RBMS3: variants seen among roughly 807,000 people sequenced by gnomAD.
The protein encoded by RBMS3 is RNA binding motif single stranded interacting protein 3, also known as RNA-binding motif, single-stranded-interacting protein 3.
RBMS3 carries 27 observed loss-of-function variants against 66.8 expected under a neutral mutation model. The ratio of observed to expected loss-of-function variants is 0.40; its 90% CI spans 0.30 to 0.56. The LOEUF (loss-of-function observed/expected upper bound fraction) is 0.56. Ranked by LOEUF, RBMS3 falls within the 20% of genes least tolerant of loss-of-function variation. The pLI is 0.40. For missense variants in RBMS3, 513 were observed against 549.5 expected (o/e 0.93, Z 0.66); for synonymous variants, 188 against 183.0 (o/e 1.03, Z -0.22).
intron 4 of RBMS3, among the ~76,000 whole-genome samples, chr3:29,704,063 G>A (rs943089642): frequency 5.2e-4 from 79 of 152,196 alleles, no homozygotes; most frequent in Non-Finnish European, 1.0e-4. Context: ...CCCCAGATTG[G>A]ACTGTCTAGT....
chr3:29,899,244 A>G (rs1485335498), intron 9 of RBMS3, among the ~76,000 whole-genome samples: 1 of 151,728 alleles, frequency 6.6e-6, no homozygotes, highest in African/African-American at 2.4e-5. Context: ...TTTAGCTCTT[A>G]CCACAACTTT....
At position 29,988,139 on chromosome 3, in the gene RBMS3, C is replaced by G. The variant is rs960231337; in HGVS notation, c.1099-4C>G. 1 of 1,608,018 alleles carries G rather than the reference C, an allele frequency of 6.2e-7. No homozygotes were observed. ...CACATGCATTTTTCTTTGATTCTCT[C>G]TAGTATATGACTGCTGCTGCTCCTA... is the stretch of plus-strand genomic sequence containing the variant. On this transcript the variant is annotated splice_polypyrimidine_tract_variant and splice_region_variant and intron_variant, in intron 12 of 14. Coordinates refer to ENST00000383767, the MANE Select transcript of RBMS3 (RefSeq NM_001003793.3).
At chr3:29,897,258 A>T in intron 8 of RBMS3, 121 bp from the exon 9 acceptor site, 2 of 788,514 alleles carry the variant, frequency 2.5e-6, no homozygotes, top group Non-Finnish European at 4.4e-6. Context: ...GTTCTTGTTA[A>T]TGGTTGGTGG....
chr3:29,429,278 T>C (rs2041088495), intron 1 of RBMS3, among the ~76,000 whole-genome samples: 1 of 152,174 alleles, frequency 6.6e-6, no homozygotes, highest in Non-Finnish European at 1.5e-5. Flanking sequence ...AAACGGATGC[T>C]ACCTATAATT....
intron 3 of RBMS3, among the ~76,000 whole-genome samples, chr3:29,553,806 A>AC (rs2046256845): frequency 9.9e-6 from 1 of 101,446 alleles, no homozygotes; most frequent in Non-Finnish European, 2.0e-5. Flanking sequence ...TAACTGGCTA[A>AC]TTAAAAAAAA....
At chr3:29,994,223 G>A (rs1699067928) in intron 14 of RBMS3, among the ~76,000 whole-genome samples, 1 of 152,066 alleles carries the variant, frequency 6.6e-6, no homozygotes, top group African/African-American at 2.4e-5. Context: ...TTTTCCCACG[G>A]GCTTAAAAAA....
chr3:29,608,289 C>T lies in RBMS3; in HGVS notation c.399+21084C>T, dbSNP rs373629447. On this transcript the variant is annotated intron_variant, in intron 4 of 14. Coordinates refer to ENST00000383767, the MANE Select transcript of RBMS3 (RefSeq NM_001003793.3). Reference sequence around the variant, plus strand: ...CTTTTGTGGAAGTATCGTAATAAGACGGAATATTCTGAGTTAAAATCAAAC... The same window carrying T: ...CTTTTGTGGAAGTATCGTAATAAGATGGAATATTCTGAGTTAAAATCAAAC... Among the ~76,000 whole-genome samples the T allele has an allele frequency of 5.3e-5, 8 of 151,782 alleles. No homozygotes were observed. The East Asian group carries it at 7.8e-4, about 15-fold the overall frequency.
At chr3:29,925,880 A>G (rs1361088742) in intron 10 of RBMS3, among the ~76,000 whole-genome samples, 1 of 152,208 alleles carries the variant, frequency 6.6e-6, no homozygotes, top group East Asian at 1.9e-4. Flanking sequence ...TGTTAAAATT[A>G]ATCATATAGT....
intron 4 of RBMS3, among the ~76,000 whole-genome samples, chr3:29,591,844 T>TA (rs2047749650): frequency 6.6e-6 from 1 of 152,140 alleles, no homozygotes. Flanking sequence ...GGCCTTCAGA[T>TA]AAGACTTCAT....
At chr3:29,821,224 A>G (rs2058069876) in intron 6 of RBMS3, among the ~76,000 whole-genome samples, 1 of 151,990 alleles carries the variant, frequency 6.6e-6, no homozygotes, top group South Asian at 2.1e-4. Flanking sequence ...ATTTATCTAA[A>G]ATTTTGCTTG....
At chr3:29,980,494 T>G (rs1352627182) in intron 12 of RBMS3, among the ~76,000 whole-genome samples, 1 of 152,242 alleles carries the variant, frequency 6.6e-6, no homozygotes, top group East Asian at 1.9e-4. Flanking sequence ...GTTTTAGTCT[T>G]GAAGTCTTTG....
At chr3:29,365,665 T>C (rs1456036600) in intron 1 of RBMS3, among the ~76,000 whole-genome samples, 2 of 152,164 alleles carry the variant, frequency 1.3e-5, no homozygotes, top group African/African-American at 4.8e-5. Context: ...AGTCCTTAAT[T>C]TCTCCTATGG....
At position 29,499,699 on chromosome 3, in the gene RBMS3, A is replaced by T. The variant is rs562311328; in HGVS notation, c.307+11200A>T. On this transcript the variant is annotated intron_variant, in intron 3 of 14. Coordinates refer to ENST00000383767, the MANE Select transcript of RBMS3 (RefSeq NM_001003793.3). Reference sequence around the variant, plus strand: ...CAGCGGACACCAGCCCTGAATTAGCAGAAACCTGTATCATAAAGCATATTT... The same window carrying T: ...CAGCGGACACCAGCCCTGAATTAGCTGAAACCTGTATCATAAAGCATATTT... Among the ~76,000 whole-genome samples, 63 of 152,378 alleles carry T rather than the reference A, an allele frequency of 4.1e-4. No homozygotes were observed. In the South Asian group the frequency reaches 0.013, roughly 31 times the overall value.
intron 6 of RBMS3, among the ~76,000 whole-genome samples, chr3:29,850,225 G>A (rs1280557881): frequency 6.6e-6 from 1 of 152,116 alleles, no homozygotes; most frequent in East Asian, 1.9e-4. Context: ...CTTATTAATG[G>A]GAACTTCTTG....
intron 1 of RBMS3, among the ~76,000 whole-genome samples, chr3:29,405,182 T>C: frequency 6.6e-6 from 1 of 152,146 alleles, no homozygotes; most frequent in East Asian, 1.9e-4. Context: ...AGTCAGGTGT[T>C]GTTCATGAAT....
At chr3:29,909,450 A>G (rs1460702920) in intron 10 of RBMS3, among the ~76,000 whole-genome samples, 1 of 152,104 alleles carries the variant, frequency 6.6e-6, no homozygotes, top group African/African-American at 2.4e-5. Flanking sequence ...AAGTCATTTT[A>G]TATTCCTAAA....
chr3:29,822,984 T>G (rs1287590764), intron 6 of RBMS3, among the ~76,000 whole-genome samples: 1 of 152,186 alleles, frequency 6.6e-6, no homozygotes, highest in Non-Finnish European at 1.5e-5. Flanking sequence ...TGTAATTTGT[T>G]GCTTAGTTCA....
intron 4 of RBMS3, among the ~76,000 whole-genome samples, chr3:29,692,812 A>G (rs143920636): frequency 6.6e-6 from 1 of 152,360 alleles, no homozygotes; most frequent in African/African-American, 2.4e-5. Flanking sequence ...AACCTTAAGC[A>G]TAATTATAAA....
intron 1 of RBMS3, among the ~76,000 whole-genome samples, chr3:29,383,359 C>G (rs2038860367): frequency 6.6e-6 from 1 of 152,156 alleles, no homozygotes; most frequent in Admixed American, 6.5e-5. Context: ...TTGATTTTGC[C>G]TCTGATATTG....
Sources: allele counts gnomAD v4.1 joint callset (sites outside exome capture counted in the v4.1 genomes callset), GRCh38; gene constraint gnomAD v4.1.1; transcripts MANE v1.5; gene names NCBI Gene and HGNC (gene_info 2026-07-23, HGNC 2026-07-21).